Variants in C2orf76 observed in about 807,000 individuals in gnomAD.
C2orf76 encodes UPF0538 protein C2orf76.
In C2orf76, 23 loss-of-function variants were observed where a neutral mutation model predicts 16.9. The observed-to-expected ratio is 1.36, with a 90% CI of 0.98 to 1.93. The LOEUF (loss-of-function observed/expected upper bound fraction) is 1.93. Among genes scored for constraint, C2orf76 ranks in the 30% most tolerant of loss-of-function variants. The pLI, the probability that C2orf76 is intolerant of heterozygous loss-of-function variation, is 0.00. For missense variants in C2orf76, 152 were observed against 152.6 expected (o/e 1.00, Z 0.02); for synonymous variants, 48 against 52.3 (o/e 0.92, Z 0.35).
At chr2:119,346,081 A>G (rs1680192879) in intron 1 of C2orf76, among the ~76,000 whole-genome samples, 1 of 151,608 alleles carries the variant, frequency 6.6e-6, no homozygotes, top group Non-Finnish European at 1.5e-5. Flanking sequence ...AAAAAAGAAT[A>G]AAATTTTAAA....
chr2:119,358,563 G>A (rs985620435), intron 1 of C2orf76, among the ~76,000 whole-genome samples: 4 of 143,820 alleles, frequency 2.8e-5, no homozygotes, highest in Non-Finnish European at 6.0e-5. Context: ...GGGTGACAGA[G>A]GGAGACTCTG....
Position 119,303,789 on chromosome 2 carries a change from T to A in C2orf76, c.305-1241A>T, listed in dbSNP as rs542422333. 1.6e-4 allele frequency among the ~76,000 whole-genome samples: 24 copies of A among 152,320 alleles called. 1 individual carries two copies. The South Asian group carries it at 4.6e-3, about 29-fold the overall frequency. On this transcript the variant is annotated intron_variant, in intron 5 of 5. Coordinates refer to ENST00000334816, the MANE Select transcript of C2orf76 (RefSeq NM_001322331.2). ...AAGAAGAAAATAAAGCCACCCATAG[T>A]CACAGATCCTCATTCCAGTCCTCTA...
intron 2 of C2orf76, among the ~76,000 whole-genome samples, chr2:119,339,445 C>A (rs1304800648): frequency 6.6e-6 from 1 of 152,174 alleles, no homozygotes; most frequent in Non-Finnish European, 1.5e-5. Context: ...TCCCACCACA[C>A]TTCCCCATGT....
At chr2:119,311,827 T>C in intron 4 of C2orf76, 124 bp from the exon 5 acceptor site, 1 of 888,468 alleles carries the variant, frequency 1.1e-6, no homozygotes, top group Non-Finnish European at 1.7e-6. Flanking sequence ...TCCACTGCCC[T>C]GGCCGTAATG....
chr2:119,310,157 GCTGT>G (rs1202342143), intron 5 of C2orf76, among the ~76,000 whole-genome samples: 6 of 151,924 alleles, frequency 3.9e-5, no homozygotes, highest in African/African-American at 1.2e-4. Flanking sequence ...TTTCCATGGA[GCTGT>G]CTGTCAACAC....
chr2:119,340,803 A>ACAC (rs1680003776), intron 1 of C2orf76, among the ~76,000 whole-genome samples: 1 of 137,026 alleles, frequency 7.3e-6, no homozygotes, highest in African/African-American at 2.7e-5. Context: ...CACACACACA[A>ACAC]ATTGGAAAAC....
intron 2 of C2orf76, among the ~76,000 whole-genome samples, chr2:119,336,925 G>A (rs1679864709): frequency 6.6e-6 from 1 of 152,138 alleles, no homozygotes; most frequent in Non-Finnish European, 1.5e-5. Context: ...AGGCAGTAGA[G>A]AAGAATAAAG....
intron 5 of C2orf76, among the ~76,000 whole-genome samples, chr2:119,309,573 C>T (rs982576070): frequency 2.0e-5 from 3 of 151,786 alleles, no homozygotes; most frequent in Non-Finnish European, 2.9e-5. Context: ...GCGTGTGCCA[C>T]CACACCTGGC....
chr2:119,343,319 A>C (rs1412859032), intron 1 of C2orf76, among the ~76,000 whole-genome samples: 1 of 152,180 alleles, frequency 6.6e-6, no homozygotes, highest in African/African-American at 2.4e-5. Flanking sequence ...GTATTCAATA[A>C]GGAGTAGCTC....
At chr2:119,292,495 A>G in the C2orf76 span, among the ~76,000 whole-genome samples, 1 of 152,186 alleles carries the variant, frequency 6.6e-6, no homozygotes, top group Non-Finnish European at 1.5e-5. Flanking sequence ...CCCGAGTCAG[A>G]CCGACAAAAA....
At chr2:119,345,790 G>A (rs937474405) in intron 1 of C2orf76, among the ~76,000 whole-genome samples, 8 of 151,726 alleles carry the variant, frequency 5.3e-5, no homozygotes, top group East Asian at 3.9e-4. Context: ...GGCCAGGTGC[G>A]GTGGCTCACG....
At chr2:119,347,060 G>A (rs1463488143) in intron 1 of C2orf76, among the ~76,000 whole-genome samples, 1 of 152,166 alleles carries the variant, frequency 6.6e-6, no homozygotes, top group Non-Finnish European at 1.5e-5. Context: ...TCATAAAGCG[G>A]TGTTAAAACC....
chr2:119,321,945 G>C (rs769046521), intron 2 of C2orf76, among the ~76,000 whole-genome samples: 20 of 151,726 alleles, frequency 1.3e-4, no homozygotes, highest in Admixed American at 2.0e-4. Flanking sequence ...CAATGATCTA[G>C]AACAATCTTA....
At chr2:119,340,007 C>T in intron 1 of C2orf76, 36 bp from the exon 2 acceptor site, 1 of 1,586,650 alleles carries the variant, frequency 6.3e-7, no homozygotes, top group East Asian at 2.3e-5. Flanking sequence ...CTAAATGAAG[C>T]CAGCTCACAG....
intron 5 of C2orf76, among the ~76,000 whole-genome samples, chr2:119,304,573 G>T (rs1678716944): frequency 6.6e-6 from 1 of 152,206 alleles, no homozygotes; most frequent in African/African-American, 2.4e-5. Flanking sequence ...TTTATTTTCA[G>T]ATGACTGCAC....
intron 3 of C2orf76, among the ~76,000 whole-genome samples, chr2:119,319,019 T>C (rs1028080919): frequency 1.3e-5 from 2 of 152,012 alleles, no homozygotes; most frequent in Admixed American, 1.3e-4. Flanking sequence ...AAATTACCTA[T>C]CATGTCCTTT....
At position 119,308,130 on chromosome 2, in the gene C2orf76, TA is replaced by T. The variant is rs1010061350; in HGVS notation, c.304+3491del. Among the ~76,000 whole-genome samples, 302 of 151,986 alleles carry T rather than the reference TA, an allele frequency of 2.0e-3. 1 individual carries two copies. The highest frequency in any genetic ancestry group is 6.9e-3 in the African/African-American group (287 of 41,492). ...CCCCAACTTCATGGGTTTATACTTT[TA>T]AAAAAAATTCGTCCTTTAATTACAA... On this transcript the variant is annotated intron_variant, in intron 5 of 5. Transcript: ENST00000334816.
chr2:119,303,131 C>A (rs1054738606), intron 5 of C2orf76, among the ~76,000 whole-genome samples: 1 of 152,172 alleles, frequency 6.6e-6, no homozygotes, highest in Admixed American at 6.5e-5. Flanking sequence ...AAGTGAAAGA[C>A]ACAAATTGGC....
downstream of C2orf76, among the ~76,000 whole-genome samples, chr2:119,300,515 G>T (rs1678601122): frequency 6.6e-6 from 1 of 151,456 alleles, no homozygotes; most frequent in South Asian, 2.1e-4. Context: ...TACCTTTCTG[G>T]CCTTATCTTC....
Sources: gnomAD v4.1 joint callset for allele counts (sites outside exome capture counted in the v4.1 genomes callset) on GRCh38, gnomAD v4.1.1 for gene constraint, MANE v1.5 for transcripts, NCBI Gene and HGNC (gene_info 2026-07-23, HGNC 2026-07-21) for gene names.